Variants in NELL1 observed in about 807,000 individuals in gnomAD.
NELL1 encodes the protein neural EGFL like 1, also known as protein kinase C-binding protein NELL1.
Under a neutral mutation model 107.4 loss-of-function variants are expected in NELL1, and 76 were observed. The observed-to-expected ratio is 0.71, with a 90% CI of 0.59 to 0.86. The LOEUF is 0.86. Ranked by LOEUF, NELL1 falls within the 40% of genes least tolerant of loss-of-function variation. The pLI is 0.00. For synonymous variants in NELL1, 353 were observed against 341.2 expected, an observed-to-expected ratio of 1.03 and a Z score of -0.38; for missense variants, 1,024 against 1,005.5, an observed-to-expected ratio of 1.02 and a Z score of -0.25.
At chr11:21,503,377 T>C (rs935963284) in intron 15 of NELL1, among the ~76,000 whole-genome samples, 1 of 152,174 alleles carries the variant, frequency 6.6e-6, no homozygotes, top group African/African-American at 2.4e-5. Flanking sequence ...ACTAGACCAA[T>C]GTTAAGACGC....
intron 13 of NELL1, among the ~76,000 whole-genome samples, chr11:21,182,092 C>T (rs984955833): frequency 6.6e-6 from 1 of 151,864 alleles, no homozygotes; most frequent in Admixed American, 6.6e-5. Flanking sequence ...GATGGTGGAG[C>T]TGAGATTCAA....
intron 12 of NELL1, among the ~76,000 whole-genome samples, chr11:21,032,817 G>A (rs1364981339): frequency 6.6e-6 from 1 of 152,146 alleles, no homozygotes; most frequent in African/African-American, 2.4e-5. Flanking sequence ...CAGTCATGTT[G>A]ATGTGATTTA....
intron 2 of NELL1, among the ~76,000 whole-genome samples, chr11:20,734,295 T>C (rs1855712456): frequency 6.6e-6 from 1 of 152,174 alleles, no homozygotes; most frequent in Non-Finnish European, 1.5e-5. Flanking sequence ...GATTTTGTTT[T>C]CCATGGGTGG....
chr11:21,485,047 T>A (rs1224472248), intron 15 of NELL1, among the ~76,000 whole-genome samples: 1 of 151,868 alleles, frequency 6.6e-6, no homozygotes, highest in Non-Finnish European at 1.5e-5. Flanking sequence ...GGTGAGTGAG[T>A]GACGTCAGGG....
intron 14 of NELL1, among the ~76,000 whole-genome samples, chr11:21,345,715 C>T (rs1270705552): frequency 2.0e-5 from 3 of 152,192 alleles, no homozygotes; most frequent in African/African-American, 4.8e-5. Flanking sequence ...AATAAATCAT[C>T]TTCCTAAAGA....
chr11:21,190,776 G>T (rs1442596178), intron 13 of NELL1, among the ~76,000 whole-genome samples: 2 of 151,874 alleles, frequency 1.3e-5, no homozygotes, highest in African/African-American at 4.9e-5. Context: ...AAGTGCAACT[G>T]GGTGTCAAAT....
intron 12 of NELL1, among the ~76,000 whole-genome samples, chr11:21,051,046 G>T (rs752080345): frequency 6.6e-6 from 1 of 152,074 alleles, no homozygotes; most frequent in Non-Finnish European, 1.5e-5. Context: ...TGTCTACTCA[G>T]AGGAAAGAAA....
intron 4 of NELL1, among the ~76,000 whole-genome samples, chr11:20,849,145 C>A (rs1480665295): frequency 1.3e-5 from 2 of 152,274 alleles, no homozygotes; most frequent in East Asian, 3.9e-4. Flanking sequence ...GACCTACCAC[C>A]CACATGCTGT....
At chr11:21,054,170 C>T (rs913830208) in intron 12 of NELL1, among the ~76,000 whole-genome samples, 1 of 151,624 alleles carries the variant, frequency 6.6e-6, no homozygotes, top group African/African-American at 2.4e-5. Context: ...TGTGTGTTTC[C>T]CTCTCTTTTT....
intron 15 of NELL1, among the ~76,000 whole-genome samples, chr11:21,482,319 G>A (rs764914217): frequency 2.6e-5 from 4 of 152,170 alleles, no homozygotes; most frequent in Admixed American, 6.5e-5. Context: ...CTGGGTAGGA[G>A]TATCTGATTA....
intron 13 of NELL1, among the ~76,000 whole-genome samples, chr11:21,221,932 A>G (rs1161119884): frequency 6.6e-6 from 1 of 152,092 alleles, no homozygotes; most frequent in African/African-American, 2.4e-5. Flanking sequence ...GGCTCAAGCA[A>G]TCTGCCTGCC....
intron 4 of NELL1, among the ~76,000 whole-genome samples, chr11:20,875,054 G>A (rs142310613): frequency 6.6e-6 from 1 of 152,208 alleles, no homozygotes; most frequent in Non-Finnish European, 1.5e-5. Context: ...GATTATCTCT[G>A]GACAGATTGA....
intron 15 of NELL1, among the ~76,000 whole-genome samples, chr11:21,484,219 C>CA (rs958282373): frequency 1.4e-4 from 21 of 147,710 alleles, no homozygotes; most frequent in East Asian, 7.9e-4. Context: ...CTAAAACAAA[C>CA]AAAAAAAAAT....
chr11:20,790,966 G>A (rs1304577902), intron 3 of NELL1, among the ~76,000 whole-genome samples: 1 of 152,190 alleles, frequency 6.6e-6, no homozygotes, highest in African/African-American at 2.4e-5. Flanking sequence ...ATATGGAAGT[G>A]CTGTTTGATT....
chr11:21,248,175 T>A (rs1858542511), intron 14 of NELL1, among the ~76,000 whole-genome samples: 1 of 151,894 alleles, frequency 6.6e-6, no homozygotes, highest in South Asian at 2.1e-4. Flanking sequence ...CAAAACTCCA[T>A]CTCTACCAAA....
intron 13 of NELL1, among the ~76,000 whole-genome samples, chr11:21,117,642 A>G (rs1855269343): frequency 6.6e-6 from 1 of 152,084 alleles, no homozygotes; most frequent in Admixed American, 6.6e-5. Context: ...TGTTCTAAAT[A>G]TAAGTGACTT....
intron 14 of NELL1, among the ~76,000 whole-genome samples, chr11:21,312,888 G>A (rs949559781): frequency 2.6e-5 from 4 of 152,030 alleles, no homozygotes; most frequent in African/African-American, 9.7e-5. Flanking sequence ...TCTCAGAGGA[G>A]AGGGAGATCA....
intron 12 of NELL1, among the ~76,000 whole-genome samples, chr11:21,092,678 G>A (rs572672702): frequency 1.5e-3 from 230 of 152,236 alleles, no homozygotes; most frequent in African/African-American, 5.3e-3. Flanking sequence ...CTACAAAATA[G>A]CCATTTGTAG....
chr11:21,501,327 G>A (rs1052844119), intron 15 of NELL1, among the ~76,000 whole-genome samples: 2 of 152,174 alleles, frequency 1.3e-5, no homozygotes, highest in African/African-American at 2.4e-5. Flanking sequence ...TTGAAGATGT[G>A]TGAGTTCATA....
Sources: allele counts gnomAD v4.1 joint callset (sites outside exome capture counted in the v4.1 genomes callset), GRCh38; gene constraint gnomAD v4.1.1; transcripts MANE v1.5; gene names NCBI Gene and HGNC (gene_info 2026-07-23, HGNC 2026-07-21).